RFX6: variants seen among roughly 807,000 people sequenced by gnomAD.
RFX6 encodes the protein DNA-binding protein RFX6.
A neutral mutation model predicts 110.8 loss-of-function variants in RFX6; 50 were observed. The observed-to-expected ratio is 0.45, with a 90% CI of 0.36 to 0.57. The LOEUF is 0.57. Ranked by LOEUF, RFX6 falls within the 20% of genes least tolerant of loss-of-function variation. The probability of loss-of-function intolerance (pLI) is 0.00; values close to 1 mark genes in which losing one functional copy is unlikely to be tolerated. For synonymous variants in RFX6, 383 were observed against 411.2 expected, an observed-to-expected ratio of 0.93 and a Z score of 0.83; for missense variants, 990 against 1,127.0, an observed-to-expected ratio of 0.88 and a Z score of 1.74.
chr6:116,905,766 G>T lies in RFX6; in HGVS notation c.673-5169G>T, dbSNP rs550286373. On this transcript the variant is annotated intron_variant, in intron 6 of 18. Transcript: ENST00000332958. ...AGAGTTTCACCATGTTGGCCAGGATGTTCTCAATCTCTTGACCTCATGATC... is the reference window on the plus strand; with the variant it reads ...AGAGTTTCACCATGTTGGCCAGGATTTTCTCAATCTCTTGACCTCATGATC... Among the ~76,000 whole-genome samples, 51 of 151,954 alleles carry T rather than the reference G, an allele frequency of 3.4e-4. 1 individual carries two copies. Among genetic ancestry groups the T allele is most frequent in the Non-Finnish European group, 6.5e-4 (44 of 67,968 alleles).
intron 9 of RFX6, among the ~76,000 whole-genome samples, chr6:116,916,868 T>C (rs1775479922): frequency 6.6e-6 from 1 of 152,156 alleles, no homozygotes; most frequent in Non-Finnish European, 1.5e-5. Flanking sequence ...AGAAAGAGGC[T>C]AATTCTTGAC....
chr6:116,911,088 T>G, intron 7 of RFX6, 46 bp downstream of exon 7: 1 of 1,266,670 alleles, frequency 7.9e-7, no homozygotes, highest in South Asian at 1.2e-5. Context: ...ATATGTTGGC[T>G]CCATATGTCA....
intron 14 of RFX6, chr6:116,923,579 C>A (rs2114700425): frequency 4.2e-6 from 1 of 237,412 alleles, no homozygotes; most frequent in African/African-American, 2.3e-5. Context: ...TACATTCCAT[C>A]AGTGCTTGGA....
chr6:116,927,131 A>T lies in RFX6; in HGVS notation c.1990A>T (p.Arg664Trp), dbSNP rs747599519. The T allele has an allele frequency of 1.2e-6, 2 of 1,613,932 alleles. No homozygotes were observed. Among genetic ancestry groups the T allele is most frequent in the Admixed American group, 3.3e-5 (2 of 59,998 alleles). ...CATTAACCAAGGACCAATGGCAGGG[A>T]GGCCCCCAAGTGTGGGCCCAGTACT... ...SVINQGPMAGRPPSVGPVLSA... is the reference protein window; with the variant it reads ...SVINQGPMAGWPPSVGPVLSA... The change falls in exon 17 of 19, where the codon AGG becomes TGG. Residue 664 changes from arginine (R) to tryptophan (W), a missense_variant. Coordinates refer to ENST00000332958, the MANE Select transcript of RFX6 (RefSeq NM_173560.4).
intron 10 of RFX6, 80 bp downstream of exon 10, chr6:116,918,166 A>G (rs919608834): frequency 1.0e-6 from 1 of 990,838 alleles, no homozygotes; most frequent in African/African-American, 1.6e-5. Flanking sequence ...AACATTAGGT[A>G]GTAATTTATT....
At chr6:116,877,731 C>T (rs1395670383) in intron 1 of RFX6, 65 bp from the exon 2 acceptor site, 21 of 1,508,498 alleles carry the variant, frequency 1.4e-5, no homozygotes, top group Non-Finnish European at 1.7e-5. Context: ...TTAAGGTACA[C>T]TTAAAGGCGA....
intron 6 of RFX6, among the ~76,000 whole-genome samples, chr6:116,905,050 C>T (rs1306656014): frequency 1.3e-5 from 2 of 152,168 alleles, no homozygotes; most frequent in Admixed American, 6.6e-5. Flanking sequence ...AGCGGAATTA[C>T]TGGGTCATAT....
chr6:116,920,526 C>A (rs1775571654), intron 12 of RFX6, 72 bp downstream of exon 12: 7 of 1,287,360 alleles, frequency 5.4e-6, no homozygotes, highest in Non-Finnish European at 4.5e-6. Context: ...CTGGGTAACT[C>A]TGTTGGAGGA....
At chr6:116,897,840 T>C (rs1400971599) in intron 6 of RFX6, among the ~76,000 whole-genome samples, 1 of 152,138 alleles carries the variant, frequency 6.6e-6, no homozygotes, top group East Asian at 1.9e-4. Flanking sequence ...ATTTGATGTG[T>C]TTGTGAAACA....
chr6:116,893,559 A>G (rs145823714), intron 4 of RFX6, among the ~76,000 whole-genome samples: 3 of 152,138 alleles, frequency 2.0e-5, no homozygotes, highest in Non-Finnish European at 4.4e-5. Flanking sequence ...ACATATTCCC[A>G]TGTGTGAGAT....
intron 10 of RFX6, 42 bp from the exon 11 acceptor site, chr6:116,919,095 T>C: frequency 6.4e-7 from 1 of 1,562,410 alleles, no homozygotes; most frequent in Non-Finnish European, 8.8e-7. Flanking sequence ...GTTTAATGCA[T>C]TTTTTAACAA....
chr6:116,924,942 A>G (rs1775678169), intron 15 of RFX6, 151 bp downstream of exon 15: 4 of 651,108 alleles, frequency 6.1e-6, no homozygotes, highest in African/African-American at 1.8e-5. Context: ...CAGTCACACT[A>G]TTGGAGCACT....
Position 116,877,907 on chromosome 6 carries a change from A to G in RFX6, c.335A>G (p.Gln112Arg), listed in dbSNP as rs201445250. The change falls in exon 2 of 19, where the codon CAG becomes CGG. Residue 112 changes from glutamine to arginine, a missense_variant. Physicochemically the swap from Gln to Arg is conservative, Grantham distance 43. Transcript: ENST00000332958. ...QYLSQKKTIT[Q>R]IVKDKKKQTQ... is the part of the protein sequence containing the mutation. The stretch of plus-strand genomic sequence containing the variant: ...CTGTCTCAGAAGAAAACCATCACGC[A>G]GATTGTGAAGGATAAAAAGAAGCAG... 8 of 1,614,200 alleles carry G rather than the reference A, an allele frequency of 5.0e-6. No homozygotes were observed. The East Asian group carries it at 1.3e-4, about 27-fold the overall frequency.
rs749619706 is a variant in RFX6 at position 116,894,025 on chromosome 6, C to T, written c.605C>T (p.Ala202Val). 1.9e-6 allele frequency: 3 copies of T among 1,602,738 alleles called. No individual in the cohort carries two copies. The highest frequency in any genetic ancestry group is 2.2e-5 in the East Asian group (1 of 44,754). Residue 202 changes from alanine to valine, a missense_variant, in exon 5 of 19, where the codon GCA becomes GTA. Around this residue, in one of 5 missense-constraint regions of RFX6, gnomAD observed 243 missense variants for 353.1 expected, o/e 0.69. Coordinates refer to ENST00000332958, the MANE Select transcript of RFX6 (RefSeq NM_173560.4). ...GGGATTGGCATCAAAGAGAGCAGTGCATATTACCACTCCGTTTATTCTGGA... is the reference window on the plus strand; with the variant it reads ...GGGATTGGCATCAAAGAGAGCAGTGTATATTACCACTCCGTTTATTCTGGA... ...YYGIGIKESS[A>V]YYHSVYSGKG...
At chr6:116,879,004 A>AT (rs1180245214) in intron 2 of RFX6, among the ~76,000 whole-genome samples, 1 of 151,908 alleles carries the variant, frequency 6.6e-6, no homozygotes, top group Non-Finnish European at 1.5e-5. Context: ...CAGTTAAGTA[A>AT]TTGAGTTAAA....
At chr6:116,910,545 A>G (rs998972727) in intron 6 of RFX6, among the ~76,000 whole-genome samples, 1 of 152,182 alleles carries the variant, frequency 6.6e-6, no homozygotes, top group Admixed American at 6.5e-5. Flanking sequence ...AATTTGTAAA[A>G]AGGAAGGTTG....
At chr6:116,914,942 AG>A (rs1775431409) in intron 7 of RFX6, among the ~76,000 whole-genome samples, 1 of 152,222 alleles carries the variant, frequency 6.6e-6, no homozygotes. Context: ...ATAAATATCA[AG>A]TAGTGTGCCT....
At chr6:116,882,705 G>A (rs2114662427) in intron 4 of RFX6, among the ~76,000 whole-genome samples, 1 of 152,266 alleles carries the variant, frequency 6.6e-6, no homozygotes, top group East Asian at 1.9e-4. Context: ...GAAGGCACCA[G>A]TGTTATGAGG....
At chr6:116,900,969 G>GT (rs1775059008) in intron 6 of RFX6, among the ~76,000 whole-genome samples, 1 of 152,090 alleles carries the variant, frequency 6.6e-6, no homozygotes, top group Non-Finnish European at 1.5e-5. Context: ...CTTTGTGATG[G>GT]TGTGAAAGGG....
Sources: gnomAD v4.1 joint callset for allele counts (sites outside exome capture counted in the v4.1 genomes callset) on GRCh38, gnomAD v4.1.1 for gene constraint, gnomAD v4.1.1 regional missense constraint, MANE v1.5 for transcripts, NCBI Gene and HGNC (gene_info 2026-07-23, HGNC 2026-07-21) for gene names.